ANKRD28: variants seen among roughly 807,000 people sequenced by gnomAD.
ANKRD28 encodes ankyrin repeat domain 28, also known as serine/threonine-protein phosphatase 6 regulatory ankyrin repeat subunit A.
Under a neutral mutation model 126.5 loss-of-function variants are expected in ANKRD28, and 44 were observed. That is an observed-to-expected ratio of 0.35 (90% CI 0.27 to 0.45). ANKRD28 has a LOEUF of 0.45. Ranked by LOEUF, ANKRD28 falls within the 20% of genes least tolerant of loss-of-function variation. The probability of loss-of-function intolerance (pLI) is 1.00; values close to 1 mark genes in which losing one functional copy is unlikely to be tolerated. For synonymous variants in ANKRD28, 442 were observed against 468.5 expected (o/e 0.94, Z 0.73); for missense variants, 1,110 against 1,316.6 (o/e 0.84, Z 2.43).
At chr3:15,753,063 C>A (rs139763497) in intron 3 of ANKRD28, among the ~76,000 whole-genome samples, 1 of 152,060 alleles carries the variant, frequency 6.6e-6, no homozygotes, top group Non-Finnish European at 1.5e-5. Context: ...CTGAGAGTAG[C>A]TGAGTTCTCT....
In ANKRD28 at chr3:15,839,144, T is replaced by C. The variant is rs201416834; in HGVS notation, c.27+20233A>G. ...GCAAAGTAGGTACAAGGTATCTTTT[T>C]GGGGTGATGAAAATACTCTAAAACT... On this transcript the variant is annotated intron_variant, in intron 1 of 27. Transcript: ENST00000399451. This position sits in a 1 kb window ranked among gnomAD's most constrained non-coding sequence, Gnocchi z 4.3. Among the ~76,000 whole-genome samples the C allele has an allele frequency of 6.6e-6, 1 of 152,174 alleles. No individual in the cohort carries two copies. The highest frequency in any genetic ancestry group is 2.4e-5 in the African/African-American group (1 of 41,452).
At chr3:15,683,344 T>G (rs1197764301) in intron 21 of ANKRD28, among the ~76,000 whole-genome samples, 1 of 152,178 alleles carries the variant, frequency 6.6e-6, no homozygotes, top group African/African-American at 2.4e-5. Context: ...CAAGTCACAT[T>G]ACAGAAACAA....
chr3:15,859,317 T>C, intron 1 of ANKRD28: 1 of 1,511,400 alleles, frequency 6.6e-7, no homozygotes, highest in Non-Finnish European at 8.8e-7. Flanking sequence ...ACACCGCCGG[T>C]CCGCCCTGCT....
At chr3:15,835,963 C>A (rs187403688) in intron 1 of ANKRD28, among the ~76,000 whole-genome samples, 126 of 152,138 alleles carry the variant, frequency 8.3e-4, no homozygotes, top group African/African-American at 2.9e-3. Context: ...CTACTTTTTT[C>A]TTCTCTTAAG....
intron 4 of ANKRD28, among the ~76,000 whole-genome samples, chr3:15,742,198 A>G (rs1269966938): frequency 7.7e-6 from 1 of 129,896 alleles, no homozygotes; most frequent in Non-Finnish European, 1.7e-5. Context: ...CTGGCCGCCC[A>G]TCGTCTGGGA....
intron 4 of ANKRD28, among the ~76,000 whole-genome samples, chr3:15,745,822 T>C (rs78923187): frequency 6.6e-6 from 1 of 152,230 alleles, no homozygotes; most frequent in Non-Finnish European, 1.5e-5. Flanking sequence ...TTTTGCACCA[T>C]TGATTCTACC....
intron 3 of ANKRD28, among the ~76,000 whole-genome samples, chr3:15,761,055 T>A (rs1325748685): frequency 6.6e-6 from 1 of 152,200 alleles, no homozygotes; most frequent in Non-Finnish European, 1.5e-5. Context: ...TCTATTTTTT[T>A]ATGTTAGAGA....
At chr3:15,740,991 G>A (rs750088197) in intron 4 of ANKRD28, among the ~76,000 whole-genome samples, 2 of 152,110 alleles carry the variant, frequency 1.3e-5, no homozygotes, top group Admixed American at 1.3e-4. Flanking sequence ...ACGAGGTCAG[G>A]AGATCAAGAC....
chr3:15,788,452 C>T lies in ANKRD28; in HGVS notation c.201+6771G>A, dbSNP rs1048604175. ...CATTCTGCTATACTGATTCTGCAGACGGTTAATTTTTGTGAATTTTAGTAG... is the reference window on the plus strand; with the variant it reads ...CATTCTGCTATACTGATTCTGCAGATGGTTAATTTTTGTGAATTTTAGTAG... On this transcript the variant is annotated intron_variant, in intron 2 of 27. Coordinates refer to ENST00000683139, the MANE Select transcript of ANKRD28 (RefSeq NM_001349278.2). Among the ~76,000 whole-genome samples, 25 of 152,182 alleles carry T rather than the reference C, an allele frequency of 1.6e-4. 1 individual carries two copies. Among genetic ancestry groups the T allele is most frequent in the Admixed American group, 7.9e-4 (12 of 15,282 alleles).
intron 1 of ANKRD28, 30 bp from the exon 2 acceptor site, chr3:15,795,336 A>G: frequency 4.1e-6 from 6 of 1,453,666 alleles, no homozygotes; most frequent in Non-Finnish European, 4.8e-6. Flanking sequence ...TAAAAACATT[A>G]GAATCATCCA....
Position 15,796,503 on chromosome 3 carries a change from C to CA in ANKRD28, c.18dup (p.Val7CysfsTer9). On this transcript the variant is annotated frameshift_variant, in exon 1 of 28. Transcript: ENST00000683139. LOFTEE classifies it high-confidence loss of function. ...TCATCTTCTACCTCCTCCAAAACAA[C>CA]AATACACACTCGACTCATTCGATCT... The CA allele has an allele frequency of 1.6e-6, 2 of 1,288,566 alleles. No homozygotes were observed. The highest frequency in any genetic ancestry group is 2.0e-6 in the Non-Finnish European group (2 of 988,146). The allele number at this position is 1,288,566 out of a possible 1,614,324, so 79.8% of individuals were successfully genotyped here.
chr3:15,766,291 A>G lies in ANKRD28; in HGVS notation c.223T>C (p.Leu75=), dbSNP rs187952728. 5 of 1,611,356 alleles carry G rather than the reference A, an allele frequency of 3.1e-6. No individual in the cohort carries two copies. Among genetic ancestry groups the G allele is most frequent in the African/African-American group, 2.7e-5 (2 of 75,024 alleles). ...NFQDNEKRTP[L]HAAAYLGDAE... ...TCTCCAAGGTAAGCTGCGGCGTGCA[A>G]TGGGGTTCGCTTTTCATTGTCCTGT... The change falls in exon 3 of 28, where the codon TTG becomes CTG. Residue 75 remains leucine (L), a synonymous_variant. Transcript: ENST00000683139.
chr3:15,707,070 C>T (rs899213232), intron 14 of ANKRD28, among the ~76,000 whole-genome samples: 1 of 151,954 alleles, frequency 6.6e-6, no homozygotes, highest in Non-Finnish European at 1.5e-5. Flanking sequence ...ATTTTGAGGG[C>T]GAAAAGTAAA....
At position 15,843,365 on chromosome 3, in the gene ANKRD28, C is replaced by T. The variant is rs1252088546; in HGVS notation, c.27+16012G>A. ...CCCAACACTAAAGATTACATGTCAA[C>T]ATGAGATGTGGGCAAGAACACACAT... On this transcript the variant is annotated intron_variant, in intron 1 of 27. Transcript: ENST00000399451. The surrounding 1 kb of genome is among the most constrained non-coding windows in gnomAD (Gnocchi z 5.2). Among the ~76,000 whole-genome samples the T allele has an allele frequency of 6.6e-6, 1 of 152,152 alleles. No individual in the cohort carries two copies. Among genetic ancestry groups the T allele is most frequent in the African/African-American group, 2.4e-5 (1 of 41,426 alleles).
rs1207433046 is a variant in ANKRD28, at chr3:15,814,216, A to G, written c.28-18910T>C. The G allele has an allele frequency of 8.3e-7, 1 of 1,198,458 alleles. No individual in the cohort carries two copies. The highest frequency in any genetic ancestry group is 3.7e-5 in the Admixed American group (1 of 26,968). 74.2% of individuals were successfully genotyped at this position (1,198,458 alleles called of 1,614,324 possible). ...TACAAGAGCTGCCTATATTACTGCA[A>G]GAGACTACTAGAAAATAACCTACCA... On this transcript the variant is annotated intron_variant, in intron 1 of 27. Transcript: ENST00000399451. The surrounding 1 kb of genome is among the most constrained non-coding windows in gnomAD (Gnocchi z 4.7).
At chr3:15,697,418 CA>C (rs2069788095) in intron 14 of ANKRD28, 1 of 151,970 alleles carries the variant, frequency 6.6e-6, no homozygotes, top group African/African-American at 2.4e-5. Flanking sequence ...CAGAAATCAT[CA>C]ATAAAGAACT....
chr3:15,670,087 G>C lies in ANKRD28; in HGVS notation c.*183C>G. 1.6e-6 allele frequency: 1 copy of C among 608,888 alleles called. No individual in the cohort carries two copies. The highest frequency in any genetic ancestry group is 2.8e-5 in the East Asian group (1 of 35,160). 37.7% of individuals were successfully genotyped at this position (608,888 alleles called of 1,614,324 possible). On this transcript the variant is annotated 3_prime_UTR_variant, in exon 28 of 28. Coordinates refer to ENST00000683139, the MANE Select transcript of ANKRD28 (RefSeq NM_001349278.2). ...CAGTCAGGTCTATTTCAAGATTCTA[G>C]AAGTTCCTTTTGTAAAACTTGCCTT... is the stretch of plus-strand genomic sequence containing the variant.
At chr3:15,789,456 A>G (rs1342706841) in intron 2 of ANKRD28, among the ~76,000 whole-genome samples, 2 of 152,052 alleles carry the variant, frequency 1.3e-5, no homozygotes, top group Non-Finnish European at 2.9e-5. Context: ...AAGAAAAGAA[A>G]AGAAAAGAAA....
chr3:15,859,656 C>T (rs2061864080), exon 1 of ANKRD28: 1 of 161,450 alleles, frequency 6.2e-6, no homozygotes, highest in Non-Finnish European at 1.3e-5. Context: ...CTGAGGACTC[C>T]CCGCCCTCTT....
Sources: allele counts gnomAD v4.1 joint callset (sites outside exome capture counted in the v4.1 genomes callset), GRCh38; gene constraint gnomAD v4.1.1; non-coding constraint Gnocchi (gnomAD v3.1); transcripts MANE v1.5; gene names NCBI Gene and HGNC (gene_info 2026-07-23, HGNC 2026-07-21).